Variants in PRKCE observed in about 807,000 individuals in gnomAD.
PRKCE encodes protein kinase C epsilon.
Under a neutral mutation model 85.4 loss-of-function variants are expected in PRKCE, and 16 were observed. The ratio of observed to expected loss-of-function variants is 0.19; its 90% CI spans 0.13 to 0.28. The LOEUF is 0.28. Among genes scored for constraint, PRKCE ranks in the 10% least tolerant of loss-of-function variants. PRKCE has a pLI of 1.00. For missense variants in PRKCE, 573 were observed against 975.2 expected, an observed-to-expected ratio of 0.59 and a Z score of 5.49; for synonymous variants, 388 against 371.5, an observed-to-expected ratio of 1.04 and a Z score of -0.51.
chr2:45,715,895 A>C (rs1028234738), intron 1 of PRKCE, among the ~76,000 whole-genome samples: 3 of 151,092 alleles, frequency 2.0e-5, no homozygotes, highest in African/African-American at 4.9e-5. Flanking sequence ...CCTTTTCTGC[A>C]CTCCCCCCAT....
intron 2 of PRKCE, among the ~76,000 whole-genome samples, chr2:45,952,735 G>C (rs975708052): frequency 6.6e-6 from 1 of 152,164 alleles, no homozygotes; most frequent in African/African-American, 2.4e-5. Context: ...TTGATTGATG[G>C]GAGGGCCATT....
chr2:45,702,077 T>TG (rs1678688643), intron 1 of PRKCE, among the ~76,000 whole-genome samples: 1 of 152,096 alleles, frequency 6.6e-6, no homozygotes, highest in South Asian at 2.1e-4. Flanking sequence ...TAATCCTAGC[T>TG]ACTCAGGGGG....
At chr2:46,082,695 G>A (rs902186148) in intron 10 of PRKCE, among the ~76,000 whole-genome samples, 2 of 152,230 alleles carry the variant, frequency 1.3e-5, no homozygotes, top group Non-Finnish European at 2.9e-5. Flanking sequence ...CGAAGCCCAT[G>A]AGAGAGGCAG....
At chr2:45,854,027 A>G (rs1223878752) in intron 2 of PRKCE, among the ~76,000 whole-genome samples, 2 of 151,478 alleles carry the variant, frequency 1.3e-5, no homozygotes, top group Non-Finnish European at 2.9e-5. Flanking sequence ...TGCCCCCCAC[A>G]CTCCTCTGTG....
chr2:46,077,167 G>GCACACA (rs68042105), intron 10 of PRKCE, among the ~76,000 whole-genome samples: 186 of 150,198 alleles, frequency 1.2e-3, no homozygotes, highest in Non-Finnish European at 2.2e-3. Context: ...TCTTTCTCGT[G>GCACACA]CACACACACA....
chr2:45,859,772 T>C lies in PRKCE; in HGVS notation c.412+16709T>C, dbSNP rs143919543. ...TCCAAAGAATGAAACTTGGTGGATC[T>C]TGAACAAATCATGTCACATATCTGG... On this transcript the variant is annotated intron_variant, in intron 2 of 14. Coordinates refer to ENST00000306156, the MANE Select transcript of PRKCE (RefSeq NM_005400.3). Among the ~76,000 whole-genome samples the C allele has an allele frequency of 2.4e-3, 359 of 152,306 alleles. 1 individual carries two copies. Among genetic ancestry groups the C allele is most frequent in the Non-Finnish European group, 3.7e-3 (250 of 68,022 alleles).
rs112824971 is a variant in PRKCE at position 46,030,936 on chromosome 2, T to G, written c.1437+20419T>G. Among the ~76,000 whole-genome samples the G allele has an allele frequency of 4.7e-4, 71 of 152,230 alleles. 2 individuals carry two copies. Among genetic ancestry groups the G allele is most frequent in the African/African-American group, 1.7e-3 (71 of 41,530 alleles). ...ATGATTGGTGGGACCTTCTCTGGAG[T>G]GTCTTGCACGGTCCTGTATACATCA... On this transcript the variant is annotated intron_variant, in intron 10 of 14. Transcript: ENST00000306156.
At chr2:45,928,522 G>A (rs1476743226) in intron 2 of PRKCE, among the ~76,000 whole-genome samples, 5 of 152,128 alleles carry the variant, frequency 3.3e-5, no homozygotes, top group African/African-American at 7.2e-5. Context: ...TGCCCGCCTC[G>A]GCTTCCCAAA....
chr2:45,768,211 A>G (rs3924523), intron 1 of PRKCE, among the ~76,000 whole-genome samples: 30,033 of 152,236 alleles, frequency 0.2, 5,786 homozygotes, highest in African/African-American at 0.5. Context: ...TTTTCATAGC[A>G]GAAAGAAATC....
chr2:45,759,714 G>A (rs1457294539), intron 1 of PRKCE, among the ~76,000 whole-genome samples: 1 of 152,180 alleles, frequency 6.6e-6, no homozygotes, highest in Non-Finnish European at 1.5e-5. Context: ...TCAGTGTGGT[G>A]AGTAATCTGC....
At chr2:45,787,370 C>T (rs547537530) in intron 1 of PRKCE, among the ~76,000 whole-genome samples, 49 of 151,420 alleles carry the variant, frequency 3.2e-4, no homozygotes, top group Middle Eastern at 3.4e-3. Flanking sequence ...GAGAGAGAGA[C>T]ACAAAGTCAG....
intron 1 of PRKCE, among the ~76,000 whole-genome samples, chr2:45,684,378 C>A (rs140743406): frequency 6.6e-6 from 1 of 152,312 alleles, no homozygotes; most frequent in African/African-American, 2.4e-5. Context: ...GCTATTTCAT[C>A]TGTGCTCACA....
chr2:45,852,895 A>ACT (rs1692385809), intron 2 of PRKCE, among the ~76,000 whole-genome samples: 1 of 152,218 alleles, frequency 6.6e-6, no homozygotes, highest in Non-Finnish European at 1.5e-5. Flanking sequence ...TGACTCAGGC[A>ACT]GCCCAGGATG....
chr2:45,794,269 A>G (rs1020467777), intron 1 of PRKCE, among the ~76,000 whole-genome samples: 27 of 152,304 alleles, frequency 1.8e-4, no homozygotes, highest in African/African-American at 5.3e-4. Context: ...TCAGAAACAC[A>G]TACACATGGC....
At chr2:45,702,553 A>G (rs1441681315) in intron 1 of PRKCE, among the ~76,000 whole-genome samples, 1 of 152,140 alleles carries the variant, frequency 6.6e-6, no homozygotes, top group Admixed American at 6.5e-5. Flanking sequence ...CTGAAGGCTG[A>G]TTGTTGGGAT....
intron 1 of PRKCE, among the ~76,000 whole-genome samples, chr2:45,817,066 AGTGTGTGTGTGTGTGTGTGT>A (rs200785601): frequency 1.5e-5 from 2 of 135,786 alleles, no homozygotes; most frequent in African/African-American, 2.8e-5. Context: ...CTGTAAGTAG[AGTGTGTGTGTGTGTGTGTGT>A]GTGTGTGTGT....
intron 2 of PRKCE, among the ~76,000 whole-genome samples, chr2:45,902,538 G>GT (rs1039002832): frequency 5.3e-5 from 8 of 152,180 alleles, no homozygotes; most frequent in African/African-American, 1.9e-4. Flanking sequence ...CATGGGATGT[G>GT]TGAAAAGCTG....
intron 2 of PRKCE, among the ~76,000 whole-genome samples, chr2:45,971,913 A>G (rs539833411): frequency 3.9e-5 from 6 of 152,330 alleles, no homozygotes; most frequent in African/African-American, 1.4e-4. Context: ...ATGACGCTGC[A>G]GTGAATGTGG....
chr2:45,689,900 T>G (rs1166097253), intron 1 of PRKCE, among the ~76,000 whole-genome samples: 2 of 99,292 alleles, frequency 2.0e-5, no homozygotes, highest in Non-Finnish European at 3.9e-5. Context: ...AGACTCCATC[T>G]CAAAAAAAAA....
Sources: gnomAD v4.1 joint callset for allele counts (sites outside exome capture counted in the v4.1 genomes callset) on GRCh38, gnomAD v4.1.1 for gene constraint, MANE v1.5 for transcripts, NCBI Gene and HGNC (gene_info 2026-07-23, HGNC 2026-07-21) for gene names.